LYST: variants seen among roughly 807,000 people sequenced by gnomAD.
The protein encoded by LYST is lysosomal trafficking regulator.
A neutral mutation model predicts 413.6 loss-of-function variants in LYST; 192 were observed. The observed-to-expected ratio is 0.46, with a 90% CI of 0.41 to 0.52. LYST has a LOEUF of 0.52. Ranked by LOEUF, LYST falls within the 20% of genes least tolerant of loss-of-function variation. LYST has a pLI of 0.00. For synonymous variants in LYST, 1,525 were observed against 1,567.3 expected, an observed-to-expected ratio of 0.97 and a Z score of 0.64; for missense variants, 3,815 against 4,499.9, an observed-to-expected ratio of 0.85 and a Z score of 4.35.
chr1:235,742,594 C>T (rs1665531921), intron 30 of LYST, among the ~76,000 whole-genome samples: 2 of 145,986 alleles, frequency 1.4e-5, no homozygotes, highest in African/African-American at 5.1e-5. Context: ...ATATATCTTA[C>T]CACAGTTTAA....
chr1:235,712,260 A>G (rs1240769700), intron 42 of LYST, 63 bp from the exon 43 acceptor site: 3 of 1,216,466 alleles, frequency 2.5e-6, no homozygotes, highest in South Asian at 1.4e-5. Context: ...GAGGCCTATC[A>G]TAATTAATTT....
In LYST at chr1:235,720,550, T is replaced by A. The variant is rs77265502; in HGVS notation, c.9560+111A>T. On this transcript the variant is annotated intron_variant, in intron 40 of 52. Transcript: ENST00000389793. ...AGGGTGATAGGTATGTGGGGTCTTA[T>A]ATAATTCTTCTATTTTGTGCATGTT... is the stretch of plus-strand genomic sequence containing the variant. 5 of 1,080,318 alleles carry A rather than the reference T, an allele frequency of 4.6e-6. No individual in the cohort carries two copies. In the African/African-American group the frequency reaches 7.8e-5, roughly 17 times the overall value. The allele number at this position is 1,080,318 out of a possible 1,614,324, so 66.9% of individuals were successfully genotyped here.
Position 235,775,062 on chromosome 1 carries a change from C to T in LYST, c.5485G>A (p.Glu1829Lys). Residue 1829 changes from glutamate (E) to lysine (K), a missense_variant, in exon 18 of 53, where the codon GAA becomes AAA. Transcript: ENST00000389793. Reference sequence around the variant, plus strand: ...ACTCGCAGTGCTAATGCTTGAGTTTCTTCACAGCTACTGAGTTCAACAACC... The same window carrying T: ...ACTCGCAGTGCTAATGCTTGAGTTTTTTCACAGCTACTGAGTTCAACAACC... ...ARVVELSSCE[E>K]TQALALRVIL... 1 of 1,611,288 alleles carries T rather than the reference C, an allele frequency of 6.2e-7. No individual in the cohort carries two copies. Among genetic ancestry groups the T allele is most frequent in the South Asian group, 1.1e-5 (1 of 91,048 alleles).
intron 5 of LYST, among the ~76,000 whole-genome samples, chr1:235,807,257 A>T (rs2032033): frequency 0.5 from 75,961 of 152,066 alleles, 22,435 homozygotes; most frequent in African/African-American, 0.82. Flanking sequence ...CTGAAAATCT[A>T]CGGAAGGCTC....
rs1672776515 is a variant in LYST at position 235,805,863 on chromosome 1, A to G, written c.3273T>C (p.Phe1091=). The stretch of plus-strand genomic sequence containing the variant: ...GTGAGGTCTCACTTTCTTGACTTGT[A>G]AATAGCTTTGCTTCCTCGGGAGCGG... ...TEAAPEEAKL[F]TSQESETSLQ... Residue 1091 remains phenylalanine (F), a synonymous_variant, in exon 6 of 53, where the codon TTT becomes TTC. Coordinates refer to ENST00000389793, the MANE Select transcript of LYST (RefSeq NM_000081.4). The G allele has an allele frequency of 1.9e-6, 3 of 1,613,870 alleles. No homozygotes were observed. Among genetic ancestry groups the G allele is most frequent in the Non-Finnish European group, 2.5e-6 (3 of 1,179,900 alleles).
chr1:235,677,083 A>G lies in LYST; in HGVS notation c.11038+8T>C. 6.2e-7 allele frequency: 1 copy of G among 1,610,570 alleles called. No homozygotes were observed. Among genetic ancestry groups the G allele is most frequent in the South Asian group, 1.1e-5 (1 of 90,988 alleles). ...CCAGCCCTGTGCTTTGGGTTGGAGC[A>G]AGCTCACCTGAATCACACACAGTAG... On this transcript the variant is annotated splice_region_variant and intron_variant, in intron 50 of 52. Coordinates refer to ENST00000389793, the MANE Select transcript of LYST (RefSeq NM_000081.4).
chr1:235,871,657 CTA>C (rs1303413283), upstream of LYST, among the ~76,000 whole-genome samples: 1 of 152,196 alleles, frequency 6.6e-6, no homozygotes, highest in Non-Finnish European at 1.5e-5. Flanking sequence ...GAAGCAAGCA[CTA>C]TGTTTAAGGT....
upstream of LYST, among the ~76,000 whole-genome samples, chr1:235,868,658 C>T (rs1397195874): frequency 1.3e-5 from 2 of 152,046 alleles, no homozygotes; most frequent in African/African-American, 4.8e-5. Context: ...CAAAGTAATG[C>T]CATTTGTGAC....
intron 1 of LYST, among the ~76,000 whole-genome samples, chr1:235,844,818 G>A (rs1306127903): frequency 6.6e-6 from 1 of 152,144 alleles, no homozygotes; most frequent in South Asian, 2.1e-4. Flanking sequence ...TCTCTTTAAA[G>A]AATAAGCCAG....
In LYST at chr1:235,753,246, C is replaced by G; in HGVS notation, c.7258G>C (p.Gly2420Arg). Residue 2420 changes from glycine (G) to arginine (R), a missense_variant, in exon 26 of 53, where the codon GGA becomes CGA. Gly to Arg is a moderately radical substitution (Grantham distance 125, BLOSUM62 -2). Around this residue, in one of 4 missense-constraint regions of LYST, gnomAD observed 771 missense variants for 837.1 expected, o/e 0.92. Coordinates refer to ENST00000389793, the MANE Select transcript of LYST (RefSeq NM_000081.4). ...ATGACAGACCACTTCTGAAACAATC[C>G]CATGTTTCTCACATCTTCCAGATCA... ...EFDLEDVRNMGLFQKWSVIPI... is the reference protein window; with the variant it reads ...EFDLEDVRNMRLFQKWSVIPI... The G allele has an allele frequency of 3.1e-6, 5 of 1,602,934 alleles. No homozygotes were observed. The highest frequency in any genetic ancestry group is 4.3e-6 in the Non-Finnish European group (5 of 1,170,132).
In LYST at chr1:235,664,455, T is replaced by G. The variant is rs1180029727; in HGVS notation, c.11195+10A>C. 1 of 1,612,694 alleles carries G rather than the reference T, an allele frequency of 6.2e-7. No homozygotes were observed. The highest frequency in any genetic ancestry group is 8.5e-7 in the Non-Finnish European group (1 of 1,178,962). ...TGAAATCAAAAAAAGAGAATCCAAATTCCTCTTACCTTACAATTCCATTTT... is the reference window on the plus strand; with the variant it reads ...TGAAATCAAAAAAAGAGAATCCAAAGTCCTCTTACCTTACAATTCCATTTT... On this transcript the variant is annotated intron_variant, in intron 51 of 52. Transcript: ENST00000389793. The surrounding 1 kb of genome is among the most constrained non-coding windows in gnomAD (Gnocchi z 4.5).
At chr1:235,808,362 T>C in intron 5 of LYST, 93 bp downstream of exon 5, 1 of 1,189,448 alleles carries the variant, frequency 8.4e-7, no homozygotes, top group South Asian at 1.4e-5. Context: ...TTTAAATGCA[T>C]ACAATTTATC....
chr1:235,800,485 A>G, intron 9 of LYST, 99 bp from the exon 10 acceptor site: 1 of 678,490 alleles, frequency 1.5e-6, no homozygotes, highest in East Asian at 2.8e-5. Flanking sequence ...TATCTACTAT[A>G]TATGTATATA....
At chr1:235,878,848 G>A (rs1681248231) in intron 1 of LYST, among the ~76,000 whole-genome samples, 1 of 152,148 alleles carries the variant, frequency 6.6e-6, no homozygotes, top group Non-Finnish European at 1.5e-5. Context: ...CTGGGCTCAG[G>A]CAATCTAATG....
At position 235,765,419 on chromosome 1, in the gene LYST, G is replaced by T. The variant is rs3754235; in HGVS notation, c.6121+660C>A. Reference sequence around the variant, plus strand: ...CTGCAATAATTTACTTATAGCCTTTGCTCAAAACAAACAAATAAAACCCTT... The same window carrying T: ...CTGCAATAATTTACTTATAGCCTTTTCTCAAAACAAACAAATAAAACCCTT... On this transcript the variant is annotated intron_variant, in intron 21 of 52. Coordinates refer to ENST00000389793, the MANE Select transcript of LYST (RefSeq NM_000081.4). Among the ~76,000 whole-genome samples the T allele has an allele frequency of 3.8e-4, 58 of 152,234 alleles. No individual in the cohort carries two copies. In the East Asian group the frequency reaches 0.011, roughly 28 times the overall value.
At chr1:235,738,479 A>T (rs113721546) in intron 31 of LYST, 1 of 1,612,292 alleles carries the variant, frequency 6.2e-7, no homozygotes, top group African/African-American at 1.3e-5. Context: ...ATGTTATTGG[A>T]AGTGGTTGCA....
chr1:235,731,001 T>A, intron 35 of LYST, 31 bp downstream of exon 35: 1 of 1,610,520 alleles, frequency 6.2e-7, no homozygotes, highest in Non-Finnish European at 8.5e-7. Flanking sequence ...CTCTGCTATA[T>A]TTATATGTTG....
At chr1:235,843,741 G>GA (rs998626762) in intron 1 of LYST, among the ~76,000 whole-genome samples, 4 of 150,328 alleles carry the variant, frequency 2.7e-5, no homozygotes, top group African/African-American at 7.3e-5. Context: ...GCTTCCACAA[G>GA]AAAAAAAAGA....
chr1:235,850,265 TA>T (rs889282073), intron 1 of LYST, among the ~76,000 whole-genome samples: 3 of 151,676 alleles, frequency 2.0e-5, no homozygotes, highest in African/African-American at 7.3e-5. Flanking sequence ...AACAAAAACA[TA>T]AAGTGGGGAA....
Sources: allele counts gnomAD v4.1 joint callset (sites outside exome capture counted in the v4.1 genomes callset), GRCh38; gene constraint gnomAD v4.1.1; regional missense constraint gnomAD v4.1.1; non-coding constraint Gnocchi (gnomAD v3.1); transcripts MANE v1.5; gene names NCBI Gene and HGNC (gene_info 2026-07-23, HGNC 2026-07-21).